The following MEIG1 variants were observed in gnomAD, a reference collection of about 807,000 sequenced individuals.
MEIG1 encodes the protein meiosis expressed gene 1 protein homolog.
A neutral mutation model predicts 11.3 loss-of-function variants in MEIG1; 12 were observed. The observed-to-expected ratio is 1.07, with a 90% CI of 0.68 to 1.73. MEIG1 has a LOEUF of 1.73. Ranked by LOEUF, MEIG1 falls within the 40% of genes most tolerant of loss-of-function variation. MEIG1 has a pLI of 0.00. For synonymous variants in MEIG1, 41 were observed against 33.2 expected (o/e 1.24, Z -0.81); for missense variants, 119 against 104.9 (o/e 1.13, Z -0.59).
At chr10:14,969,466 A>C (rs563674930) in intron 2 of MEIG1, among the ~76,000 whole-genome samples, 1 of 151,994 alleles carries the variant, frequency 6.6e-6, no homozygotes, top group East Asian at 1.9e-4. Flanking sequence ...AAAAAGAAAA[A>C]AGGAAAAAAG....
At chr10:14,974,128 C>G (rs954049671), downstream of MEIG1, among the ~76,000 whole-genome samples, 2 of 152,100 alleles carry the variant, frequency 1.3e-5, no homozygotes, top group Non-Finnish European at 2.9e-5. Flanking sequence ...AGAGAGCTTC[C>G]CTGTCTGGGT....
intron 2 of MEIG1, chr10:14,987,536 A>G: frequency 1.5e-6 from 1 of 674,652 alleles, no homozygotes; most frequent in Non-Finnish European, 2.8e-6. Flanking sequence ...CACAAGGAAC[A>G]TCTTTACACT....
intron 1 of MEIG1, among the ~76,000 whole-genome samples, chr10:14,963,356 A>C (rs1218588538): frequency 6.6e-6 from 1 of 151,034 alleles, no homozygotes; most frequent in Non-Finnish European, 1.5e-5. Flanking sequence ...CGGCCTCCCA[A>C]AGTGCTGGGA....
chr10:14,973,790 A>AAG (rs2131276236), downstream of MEIG1, among the ~76,000 whole-genome samples: 2 of 151,380 alleles, frequency 1.3e-5, no homozygotes, highest in Admixed American at 1.3e-4. Context: ...AAAAAAAGAA[A>AAG]ACTATAAAGA....
intron 1 of MEIG1, among the ~76,000 whole-genome samples, chr10:14,978,430 G>C (rs1394005676): frequency 6.6e-6 from 1 of 151,716 alleles, no homozygotes; most frequent in Non-Finnish European, 1.5e-5. Flanking sequence ...AAAGGCGTGT[G>C]TTCCCCCCAT....
chr10:14,962,627 C>T (rs1843027468), intron 1 of MEIG1, among the ~76,000 whole-genome samples: 1 of 151,932 alleles, frequency 6.6e-6, no homozygotes, highest in Admixed American at 6.6e-5. Flanking sequence ...TGAATATGAG[C>T]AAAAAGTCAA....
In MEIG1 at chr10:14,960,148, C is replaced by G. The variant is rs149128735; in HGVS notation, c.-30+591C>G. ...TAATGCTTCTCTTTAAGTTAGGAAA[C>G]AGGCGCAGGCGTGTTCATGGCCTTG... is the stretch of plus-strand genomic sequence containing the variant. On this transcript the variant is annotated intron_variant, in intron 1 of 2. Transcript: ENST00000407572. Among the ~76,000 whole-genome samples, 503 of 152,230 alleles carry G rather than the reference C, an allele frequency of 3.3e-3. 2 individuals are homozygous for G. The highest frequency in any genetic ancestry group is 0.012 in the African/African-American group (490 of 41,552).
chr10:14,975,081 T>C (rs1843196559), downstream of MEIG1, among the ~76,000 whole-genome samples: 1 of 151,930 alleles, frequency 6.6e-6, no homozygotes, highest in Non-Finnish European at 1.5e-5. Flanking sequence ...GGGGATGGCG[T>C]ATGACGTTAC....
At chr10:14,963,797 T>C (rs1363140504) in intron 1 of MEIG1, among the ~76,000 whole-genome samples, 2 of 152,080 alleles carry the variant, frequency 1.3e-5, no homozygotes, top group Admixed American at 1.3e-4. Flanking sequence ...AACCCATCTC[T>C]ACTAAAAATA....
upstream of MEIG1, among the ~76,000 whole-genome samples, chr10:14,958,622 C>A (rs931425899): frequency 7.2e-5 from 11 of 152,152 alleles, no homozygotes; most frequent in African/African-American, 2.7e-4. Flanking sequence ...ATTGGCCGGG[C>A]GCGGTGGCTC....
chr10:14,968,235 C>T (rs1385364703), intron 2 of MEIG1, among the ~76,000 whole-genome samples: 1 of 152,170 alleles, frequency 6.6e-6, no homozygotes, highest in Non-Finnish European at 1.5e-5. Flanking sequence ...CGCCTGCAAT[C>T]CCAGCCCTTT....
At position 14,986,626 on chromosome 10, in the gene MEIG1, G is replaced by A. The variant is rs545129948; in HGVS notation, n.67-170G>A. 2.6e-5 allele frequency among the ~76,000 whole-genome samples: 4 copies of A among 152,284 alleles called. No individual in the cohort carries two copies. In the South Asian group the frequency reaches 6.2e-4, roughly 24 times the overall value. On this transcript the variant is annotated intron_variant and non_coding_transcript_variant, in intron 1 of 2. Transcript: ENST00000467536. The stretch of plus-strand genomic sequence containing the variant: ...ACTCAGATTCCTTTTGTATGTAGGT[G>A]TATGATGGAGTCTCTTTCTGTTGCC...
intron 1 of MEIG1, among the ~76,000 whole-genome samples, chr10:14,984,712 G>A (rs1406950072): frequency 1.3e-5 from 2 of 152,038 alleles, no homozygotes; most frequent in Middle Eastern, 3.4e-3. Flanking sequence ...TGATATTATC[G>A]TCCTATTCTA....
upstream of MEIG1, among the ~76,000 whole-genome samples, chr10:14,958,490 T>G (rs1339219229): frequency 6.6e-6 from 1 of 152,146 alleles, no homozygotes; most frequent in Non-Finnish European, 1.5e-5. Context: ...CTCAGAAAAA[T>G]TCCTAAAAAT....
At chr10:14,974,704 GTT>G (rs1488039228), downstream of MEIG1, among the ~76,000 whole-genome samples, 1 of 151,894 alleles carries the variant, frequency 6.6e-6, no homozygotes, top group Non-Finnish European at 1.5e-5. Flanking sequence ...ACATTAAAGA[GTT>G]ATACTCACGA....
At chr10:14,978,263 T>C (rs1006729656) in intron 1 of MEIG1, among the ~76,000 whole-genome samples, 1 of 151,936 alleles carries the variant, frequency 6.6e-6, no homozygotes, top group Non-Finnish European at 1.5e-5. Context: ...ACTTCAAATA[T>C]CACATTGGGT....
At chr10:14,958,038 C>A (rs895867457), upstream of MEIG1, among the ~76,000 whole-genome samples, 3 of 151,996 alleles carry the variant, frequency 2.0e-5, no homozygotes, top group African/African-American at 7.3e-5. Context: ...GTTGTAATTA[C>A]CAGAAAAAAG....
At chr10:14,957,774 T>G (rs1842966737), upstream of MEIG1, among the ~76,000 whole-genome samples, 1 of 152,020 alleles carries the variant, frequency 6.6e-6, no homozygotes, top group South Asian at 2.1e-4. Context: ...GCCTCCCGAG[T>G]AGCTGGGACT....
At chr10:14,954,309 G>A in the MEIG1 span, 2 of 506,872 alleles carry the variant, frequency 3.9e-6, no homozygotes, top group Non-Finnish European at 3.6e-6. Context: ...GCTCTGGTAA[G>A]GCGTTGCCCA....
Sources: allele counts gnomAD v4.1 joint callset (sites outside exome capture counted in the v4.1 genomes callset), GRCh38; gene constraint gnomAD v4.1.1; transcripts MANE v1.5; gene names NCBI Gene and HGNC (gene_info 2026-07-23, HGNC 2026-07-21).